Variants in SNX18 observed in about 807,000 individuals in gnomAD.
The protein encoded by SNX18 is sorting nexin-18.
Under a neutral mutation model 48.7 loss-of-function variants are expected in SNX18, and 35 were observed. The ratio of observed to expected loss-of-function variants is 0.72; its 90% CI spans 0.55 to 0.95. The LOEUF is 0.95. Ranked by LOEUF, SNX18 falls within the 40% of genes least tolerant of loss-of-function variation. The pLI, the probability that SNX18 is intolerant of heterozygous loss-of-function variation, is 0.00. For synonymous variants in SNX18, 492 were observed against 384.7 expected (o/e 1.28, Z -3.26); for missense variants, 824 against 871.0 (o/e 0.95, Z 0.68).
chr5:54,636,472 C>T, the SNX18 span, among the ~76,000 whole-genome samples: 1 of 151,934 alleles, frequency 6.6e-6, no homozygotes, highest in Non-Finnish European at 1.5e-5. Context: ...GAAACATCAC[C>T]TCATCTCTTC....
At chr5:54,547,967 G>A (rs932438489), downstream of SNX18, among the ~76,000 whole-genome samples, 1 of 152,196 alleles carries the variant, frequency 6.6e-6, no homozygotes, top group Non-Finnish European at 1.5e-5. Context: ...CTTCTAGGCA[G>A]CGTATAGAGG....
intron 1 of SNX18, chr5:54,520,834 T>G (rs1024339033): frequency 6.0e-6 from 1 of 167,072 alleles, no homozygotes; most frequent in Non-Finnish European, 1.5e-5. Context: ...ATCAAACGTT[T>G]TCAGTCTTGT....
the SNX18 span, among the ~76,000 whole-genome samples, chr5:54,564,230 C>T: frequency 1.3e-5 from 2 of 151,982 alleles, no homozygotes; most frequent in Admixed American, 1.3e-4. Flanking sequence ...CGCACCGTTG[C>T]ACTCCAGCCT....
At chr5:54,560,311 A>G in the SNX18 span, among the ~76,000 whole-genome samples, 1 of 152,216 alleles carries the variant, frequency 6.6e-6, no homozygotes, top group Non-Finnish European at 1.5e-5. Context: ...AAATGACATC[A>G]TGTCCTTTGC....
chr5:54,618,448 T>C, the SNX18 span, among the ~76,000 whole-genome samples: 2 of 152,180 alleles, frequency 1.3e-5, no homozygotes, highest in Non-Finnish European at 2.9e-5. Context: ...GGTCATGGTC[T>C]TTGGGTTCAC....
At chr5:54,598,726 C>T in the SNX18 span, among the ~76,000 whole-genome samples, 2 of 152,100 alleles carry the variant, frequency 1.3e-5, no homozygotes, top group African/African-American at 4.8e-5. Flanking sequence ...ATTGAAGGAA[C>T]ATACCTCAAA....
chr5:54,606,683 G>A, the SNX18 span, among the ~76,000 whole-genome samples: 1 of 152,058 alleles, frequency 6.6e-6, no homozygotes, highest in Non-Finnish European at 1.5e-5. Flanking sequence ...GAAATCAGAC[G>A]GCTAGATCTC....
chr5:54,631,143 C>A, the SNX18 span, among the ~76,000 whole-genome samples: 3 of 152,204 alleles, frequency 2.0e-5, no homozygotes, highest in Non-Finnish European at 4.4e-5. Flanking sequence ...ACATTTATAT[C>A]ATCCTGCCAT....
chr5:54,622,518 T>C, the SNX18 span, among the ~76,000 whole-genome samples: 2 of 150,692 alleles, frequency 1.3e-5, no homozygotes, highest in South Asian at 2.1e-4. Context: ...AAAAAGCAAC[T>C]AGCCCTTTCA....
In SNX18 at chr5:54,518,359, C is replaced by T; in HGVS notation, c.407C>T (p.Ser136Leu). The change falls in exon 1 of 2, where the codon TCG (serine) becomes TTG (leucine). Residue 136 changes from serine to leucine, a missense_variant. Physicochemically the swap from Ser to Leu is moderately radical, Grantham distance 145 (BLOSUM62 -2). Around this residue, in one of 3 missense-constraint regions of SNX18, gnomAD observed 377 missense variants for 350.6 expected, o/e 1.08. Transcript: ENST00000381410. ...FPYGGGALQP[S>L]PQQLYGGYQA... ...TACGGCGGGGGCGCCCTGCAGCCGT[C>T]GCCTCAGCAGCTCTACGGCGGCTAC... 1 of 1,544,884 alleles carries T rather than the reference C, an allele frequency of 6.5e-7. No homozygotes were observed. Among genetic ancestry groups the T allele is most frequent in the South Asian group, 1.2e-5 (1 of 83,526 alleles).
At chr5:54,619,531 G>A in the SNX18 span, among the ~76,000 whole-genome samples, 4 of 152,058 alleles carry the variant, frequency 2.6e-5, no homozygotes, top group African/African-American at 4.8e-5. Flanking sequence ...TCGTACAAAC[G>A]TAAAAACCTC....
At chr5:54,552,299 T>G in the SNX18 span, among the ~76,000 whole-genome samples, 1 of 152,174 alleles carries the variant, frequency 6.6e-6, no homozygotes, top group Non-Finnish European at 1.5e-5. Context: ...TCAGGCTGAT[T>G]CCTCATGAAG....
At chr5:54,557,505 G>T in the SNX18 span, among the ~76,000 whole-genome samples, 2 of 152,206 alleles carry the variant, frequency 1.3e-5, no homozygotes, top group Non-Finnish European at 2.9e-5. Flanking sequence ...TCGATGATCT[G>T]AAATAAGCCA....
Position 54,517,790 on chromosome 5 carries a change from C to A in SNX18, c.-163C>A, listed in dbSNP as rs1026109491. ...CGCTGCGAAGTGGAGGCGCTGCGAG[C>A]GGAGCCGCGCGGAGGGCGCGACCGG... On this transcript the variant is annotated 5_prime_UTR_variant, in exon 1 of 2. Coordinates refer to ENST00000381410, the MANE Select transcript of SNX18 (RefSeq NM_001102575.2). 1.9e-5 allele frequency: 11 copies of A among 593,510 alleles called. No individual in the cohort carries two copies. In the East Asian group the frequency reaches 3.9e-4, roughly 21 times the overall value. The allele number at this position is 593,510 out of a possible 1,614,324, so 36.8% of individuals were successfully genotyped here.
At chr5:54,639,346 T>C in the SNX18 span, among the ~76,000 whole-genome samples, 1 of 152,222 alleles carries the variant, frequency 6.6e-6, no homozygotes, top group African/African-American at 2.4e-5. Context: ...ATTTGTAGAA[T>C]GTATGGAGTG....
In SNX18 at chr5:54,519,188, C is replaced by G; in HGVS notation, c.1236C>G (p.Ser412Arg). The G allele has an allele frequency of 6.2e-7, 1 of 1,613,762 alleles. No homozygotes were observed. The highest frequency in any genetic ancestry group is 8.5e-7 in the Non-Finnish European group (1 of 1,179,826). The change falls in exon 1 of 2, where the codon AGC becomes AGG. Residue 412 changes from serine to arginine, a missense_variant. This residue lies in a region of SNX18 where 443 missense variants were observed against 503.6 expected (regional missense o/e 0.88). Coordinates refer to ENST00000381410, the MANE Select transcript of SNX18 (RefSeq NM_001102575.2). ...MVGANFFLTL[S>R]TPPAAALDLQ... Reference sequence around the variant, plus strand: ...GCGCCAACTTCTTCCTGACCCTTAGCACGCCCCCCGCCGCTGCCCTTGACC... The same window carrying G: ...GCGCCAACTTCTTCCTGACCCTTAGGACGCCCCCCGCCGCTGCCCTTGACC...
downstream of SNX18, among the ~76,000 whole-genome samples, chr5:54,550,941 T>G (rs10062541): frequency 0.11 from 16,693 of 152,110 alleles, 989 homozygotes; most frequent in South Asian, 0.14. Flanking sequence ...GGCAACATTG[T>G]TTGCTTTCAG....
the SNX18 span, among the ~76,000 whole-genome samples, chr5:54,602,152 T>C: frequency 1.3e-5 from 2 of 151,776 alleles, no homozygotes; most frequent in Non-Finnish European, 2.9e-5. Flanking sequence ...AGTGATAAAG[T>C]GTTAGGAGAT....
At chr5:54,555,077 T>C in the SNX18 span, among the ~76,000 whole-genome samples, 1 of 152,232 alleles carries the variant, frequency 6.6e-6, no homozygotes, top group Non-Finnish European at 1.5e-5. Context: ...AGCCAGCCCT[T>C]TGTAAACTGT....
Sources: allele counts gnomAD v4.1 joint callset (sites outside exome capture counted in the v4.1 genomes callset), GRCh38; gene constraint gnomAD v4.1.1; regional missense constraint gnomAD v4.1.1; transcripts MANE v1.5; gene names NCBI Gene and HGNC (gene_info 2026-07-23, HGNC 2026-07-21).